Variants in ATR observed in about 807,000 individuals in gnomAD.
ATR encodes the protein serine/threonine-protein kinase ATR.
A neutral mutation model predicts 305.3 loss-of-function variants in ATR; 142 were observed. The ratio of observed to expected loss-of-function variants is 0.47; its 90% CI spans 0.41 to 0.53. The LOEUF (loss-of-function observed/expected upper bound fraction) is 0.53, where lower values mean the gene tolerates loss of function less well. Ranked by LOEUF, ATR falls within the 20% of genes least tolerant of loss-of-function variation. The probability of loss-of-function intolerance (pLI) is 0.00; values close to 1 mark genes in which losing one functional copy is unlikely to be tolerated. For missense variants in ATR, 2,135 were observed against 3,133.1 expected (o/e 0.68, Z 7.60); for synonymous variants, 1,050 against 1,068.1 (o/e 0.98, Z 0.33).
intron 21 of ATR, among the ~76,000 whole-genome samples, chr3:142,534,648 T>A (rs1390061206): frequency 6.6e-6 from 1 of 152,136 alleles, no homozygotes; most frequent in Non-Finnish European, 1.5e-5. Context: ...AGAATAAAGT[T>A]CACTCACCCC....
At chr3:142,459,832 T>C (rs1005247775) in intron 42 of ATR, among the ~76,000 whole-genome samples, 4 of 152,120 alleles carry the variant, frequency 2.6e-5, no homozygotes, top group Non-Finnish European at 4.4e-5. Flanking sequence ...AAGTGAAGCC[T>C]CTTATTGATG....
intron 35 of ATR, among the ~76,000 whole-genome samples, chr3:142,490,813 C>G (rs972545627): frequency 2.6e-5 from 4 of 152,086 alleles, no homozygotes; most frequent in African/African-American, 9.7e-5. Flanking sequence ...AATCATCAGG[C>G]AATCTTGTTT....
At chr3:142,576,388 T>C (rs777642229) in intron 1 of ATR, among the ~76,000 whole-genome samples, 22 of 152,208 alleles carry the variant, frequency 1.4e-4, no homozygotes, top group Admixed American at 2.6e-4. Flanking sequence ...GTTATCAGCA[T>C]ATGGATGACA....
intron 38 of ATR, 82 bp from the exon 39 acceptor site, chr3:142,468,150 CT>C (rs2071174685): frequency 6.7e-7 from 1 of 1,502,406 alleles, no homozygotes; most frequent in African/African-American, 1.4e-5. Flanking sequence ...TGACAAAAAA[CT>C]TAAAAAGTAT....
At chr3:142,560,543 T>A in intron 5 of ATR, 89 bp from the exon 6 acceptor site, 1 of 1,295,960 alleles carries the variant, frequency 7.7e-7, no homozygotes, top group Non-Finnish European at 1.1e-6. Flanking sequence ...ACATACTATG[T>A]AATATCAACT....
At chr3:142,521,335 T>G (rs1168036401) in intron 23 of ATR, among the ~76,000 whole-genome samples, 1 of 152,182 alleles carries the variant, frequency 6.6e-6, no homozygotes, top group Non-Finnish European at 1.5e-5. Flanking sequence ...GGAGCTCTGA[T>G]GGAGCTATAC....
intron 26 of ATR, among the ~76,000 whole-genome samples, chr3:142,512,891 TTCC>T (rs2032650010): frequency 6.6e-6 from 1 of 152,054 alleles, no homozygotes; most frequent in African/African-American, 2.4e-5. Flanking sequence ...CAATAATACA[TTCC>T]TCTATTGTTC....
chr3:142,462,300 C>T (rs566416081), intron 41 of ATR, among the ~76,000 whole-genome samples: 5 of 152,112 alleles, frequency 3.3e-5, no homozygotes, highest in Admixed American at 3.3e-4. Context: ...TAAAAATGTC[C>T]TGGGTAGGTC....
intron 4 of ATR, among the ~76,000 whole-genome samples, chr3:142,562,021 A>C (rs571694928): frequency 8.5e-5 from 13 of 152,338 alleles, no homozygotes; most frequent in African/African-American, 3.1e-4. Flanking sequence ...CTCCATTGGC[A>C]GTTCATTACC....
At chr3:142,452,811 T>C in intron 46 of ATR, 1 of 1,190,806 alleles carries the variant, frequency 8.4e-7, no homozygotes, top group Non-Finnish European at 1.1e-6. Flanking sequence ...ATATTAAAGC[T>C]CAGACCTGTT....
intron 25 of ATR, among the ~76,000 whole-genome samples, chr3:142,514,046 G>A (rs755065391): frequency 6.6e-6 from 1 of 151,662 alleles, no homozygotes; most frequent in Non-Finnish European, 1.5e-5. Context: ...AAGGTGGGAG[G>A]ATCACGAGGT....
chr3:142,561,194 C>A (rs550499070), intron 5 of ATR, 49 bp downstream of exon 5: 1 of 1,583,434 alleles, frequency 6.3e-7, no homozygotes, highest in Non-Finnish European at 8.7e-7. Flanking sequence ...TAAAAGTGAA[C>A]AAAGTTTTAT....
At chr3:142,483,068 CA>C in intron 36 of ATR, among the ~76,000 whole-genome samples, 1 of 145,108 alleles carries the variant, frequency 6.9e-6, no homozygotes, top group East Asian at 2.0e-4. Flanking sequence ...TGCAGTGGTG[CA>C]ATCACAGCTC....
At chr3:142,530,442 CTATTTTT>C (rs1444778546) in intron 21 of ATR, among the ~76,000 whole-genome samples, 1 of 152,088 alleles carries the variant, frequency 6.6e-6, no homozygotes, top group Admixed American at 6.6e-5. Flanking sequence ...TTTTCATTTT[CTATTTTT>C]GTCTTACAGG....
At chr3:142,535,959 T>C in intron 20 of ATR, 149 bp downstream of exon 20, 1 of 623,796 alleles carries the variant, frequency 1.6e-6, no homozygotes, top group Non-Finnish European at 2.9e-6. Context: ...GGATTCATGG[T>C]AGCATTATCT....
At chr3:142,485,419 T>G in intron 35 of ATR, 137 bp from the exon 36 acceptor site, 1 of 1,085,124 alleles carries the variant, frequency 9.2e-7, no homozygotes, top group Non-Finnish European at 1.3e-6. Context: ...GACTCAATCT[T>G]TGATGTGGAA....
intron 18 of ATR, among the ~76,000 whole-genome samples, chr3:142,539,558 C>T (rs1460006343): frequency 6.6e-6 from 1 of 152,022 alleles, no homozygotes; most frequent in African/African-American, 2.4e-5. Context: ...ACAGCACAAA[C>T]CTATATTCCT....
In ATR at chr3:142,562,406, A is replaced by G. The variant is rs1482512360; in HGVS notation, c.996T>C (p.Gly332=). Residue 332 remains glycine, a synonymous_variant, in exon 4 of 47, where the codon GGT becomes GGC. Coordinates refer to ENST00000350721, the MANE Select transcript of ATR (RefSeq NM_001184.4). The part of the protein sequence containing the change: ...LEKLCVMFED[G]VLMRLKSDLL... ...AATCAGACTTAAGCCGCATGAGCAC[A>G]CCGTCTTCAAACATGACACAGAGTT... is the stretch of plus-strand genomic sequence containing the variant. 1.2e-6 allele frequency: 2 copies of G among 1,614,036 alleles called. No individual in the cohort carries two copies. Among genetic ancestry groups the G allele is most frequent in the East Asian group, 4.5e-5 (2 of 44,890 alleles).
intron 29 of ATR, among the ~76,000 whole-genome samples, chr3:142,503,692 C>G (rs1398524787): frequency 6.6e-6 from 1 of 152,260 alleles, no homozygotes; most frequent in East Asian, 1.9e-4. Flanking sequence ...GCTGGGATTA[C>G]AGGCATGAGC....
Sources: gnomAD v4.1 joint callset for allele counts (sites outside exome capture counted in the v4.1 genomes callset) on GRCh38, gnomAD v4.1.1 for gene constraint, MANE v1.5 for transcripts, NCBI Gene and HGNC (gene_info 2026-07-23, HGNC 2026-07-21) for gene names.